RPS6KA2: variants seen among roughly 807,000 people sequenced by gnomAD.
RPS6KA2 encodes the protein ribosomal protein S6 kinase alpha-2.
In RPS6KA2, 42 loss-of-function variants were observed where a neutral mutation model predicts 91.8. The observed-to-expected ratio is 0.46, with a 90% CI of 0.36 to 0.59. The LOEUF is 0.59. Among genes scored for constraint, RPS6KA2 ranks in the 20% least tolerant of loss-of-function variants. The probability of loss-of-function intolerance (pLI) is 0.00; values close to 1 mark genes in which losing one functional copy is unlikely to be tolerated. For missense variants in RPS6KA2, 798 were observed against 978.5 expected (o/e 0.82, Z 2.46); for synonymous variants, 414 against 393.6 (o/e 1.05, Z -0.61).
chr6:166,468,630 A>G (rs1293180222), intron 11 of RPS6KA2, among the ~76,000 whole-genome samples: 2 of 151,988 alleles, frequency 1.3e-5, no homozygotes, highest in Non-Finnish European at 2.9e-5. Context: ...TTGGGAGGCC[A>G]AGGTGGGTGG....
intron 2 of RPS6KA2, among the ~76,000 whole-genome samples, chr6:166,758,318 G>A (rs1485503521): frequency 2.0e-5 from 3 of 152,204 alleles, no homozygotes; most frequent in East Asian, 1.9e-4. Flanking sequence ...ATGCATGCAC[G>A]TTCTCTCTAC....
intron 1 of RPS6KA2, among the ~76,000 whole-genome samples, chr6:166,564,346 G>T (rs1296818577): frequency 6.6e-6 from 1 of 152,138 alleles, no homozygotes; most frequent in Non-Finnish European, 1.5e-5. Context: ...GTGTCAGTCG[G>T]ACACTGGAGG....
At chr6:166,438,593 G>T (rs1415336037) in intron 14 of RPS6KA2, among the ~76,000 whole-genome samples, 1 of 152,216 alleles carries the variant, frequency 6.6e-6, no homozygotes, top group Non-Finnish European at 1.5e-5. Flanking sequence ...CTTCTTTCTA[G>T]GAAAACCCAG....
chr6:166,463,331 A>AG (rs1326498677), intron 11 of RPS6KA2: 2 of 152,156 alleles, frequency 1.3e-5, no homozygotes, highest in Non-Finnish European at 2.9e-5. Context: ...TGGGATTCTG[A>AG]GCTTAACGAG....
chr6:166,455,497 A>G (rs1338047095), intron 12 of RPS6KA2, among the ~76,000 whole-genome samples: 2 of 152,166 alleles, frequency 1.3e-5, no homozygotes, highest in Non-Finnish European at 2.9e-5. Flanking sequence ...AGGGGCCTTC[A>G]CAGTCACCCC....
chr6:166,831,698 A>G (rs973538163), intron 2 of RPS6KA2, among the ~76,000 whole-genome samples: 4 of 151,830 alleles, frequency 2.6e-5, no homozygotes, highest in Non-Finnish European at 5.9e-5. Context: ...AATAAAAACT[A>G]TAACAGGAAA....
At chr6:166,503,194 C>A (rs1312574780) in intron 6 of RPS6KA2, among the ~76,000 whole-genome samples, 1 of 152,186 alleles carries the variant, frequency 6.6e-6, no homozygotes, top group Non-Finnish European at 1.5e-5. Context: ...ATTTCAGATT[C>A]GGATGAGGGA....
rs1554279395 is a variant in RPS6KA2, at chr6:166,480,514, T to TATATATAA, written c.907+8318_907+8319insTTATATAT. Among the ~76,000 whole-genome samples the TATATATAA allele has an allele frequency of 3.8e-3, 421 of 110,502 alleles. 10 individuals are homozygous for TATATATAA. The highest frequency in any genetic ancestry group is 0.011 in the African/African-American group (284 of 25,604). 72.5% of individuals were successfully genotyped at this position (110,502 alleles called of 152,430 possible). On this transcript the variant is annotated intron_variant, in intron 10 of 20. Coordinates refer to ENST00000265678, the MANE Select transcript of RPS6KA2 (RefSeq NM_021135.6). ...ATATATATATATATATATATATATA[T>TATATATAA]AATATATTTTTTTTTTTTGAGAGAG...
At chr6:166,466,470 C>T (rs1356287019) in intron 11 of RPS6KA2, among the ~76,000 whole-genome samples, 3 of 152,190 alleles carry the variant, frequency 2.0e-5, no homozygotes. Context: ...CTGTGTTGCA[C>T]TGTGTCACCT....
chr6:166,699,461 T>C (rs1417120588), intron 2 of RPS6KA2, among the ~76,000 whole-genome samples: 6 of 152,232 alleles, frequency 3.9e-5, no homozygotes, highest in Non-Finnish European at 8.8e-5. Flanking sequence ...ATTGATATGA[T>C]CTTCAGAAAA....
chr6:166,602,330 G>A (rs980878503), intron 1 of RPS6KA2, among the ~76,000 whole-genome samples: 4 of 152,208 alleles, frequency 2.6e-5, no homozygotes, highest in African/African-American at 4.8e-5. Flanking sequence ...TGTGCTCCAT[G>A]ACCCAGCAAT....
At chr6:166,429,687 G>T (rs984326146) in intron 16 of RPS6KA2, among the ~76,000 whole-genome samples, 1 of 152,090 alleles carries the variant, frequency 6.6e-6, no homozygotes, top group Non-Finnish European at 1.5e-5. Flanking sequence ...TTGACCTCAG[G>T]TGATCCACCT....
At chr6:166,541,550 A>G (rs979143221) in intron 1 of RPS6KA2, among the ~76,000 whole-genome samples, 3 of 152,170 alleles carry the variant, frequency 2.0e-5, no homozygotes, top group Non-Finnish European at 4.4e-5. Context: ...CCACCTGGCC[A>G]TGGACGCTGG....
chr6:166,581,284 G>A (rs561682942), intron 1 of RPS6KA2, among the ~76,000 whole-genome samples: 5 of 152,272 alleles, frequency 3.3e-5, no homozygotes, highest in Admixed American at 3.3e-4. Flanking sequence ...GACAGCATCA[G>A]CCTTTCTCAT....
At chr6:166,846,858 A>C (rs1780619243) in intron 2 of RPS6KA2, among the ~76,000 whole-genome samples, 1 of 152,218 alleles carries the variant, frequency 6.6e-6, no homozygotes. Context: ...AGTCCTAGCC[A>C]GAACAATCAC....
Position 166,448,813 on chromosome 6 carries a change from A to C in RPS6KA2, c.1243T>G (p.Tyr415Asp). The change falls in exon 14 of 21, where the codon TAC becomes GAC. Residue 415 changes from tyrosine (Y) to aspartate (D), a missense_variant. Physicochemically the swap from Tyr to Asp is radical, Grantham distance 160 (BLOSUM62 -3). Coordinates refer to ENST00000265678, the MANE Select transcript of RPS6KA2 (RefSeq NM_021135.6). The surrounding 1 kb of genome is among the most constrained non-coding windows in gnomAD (Gnocchi z 4.7). Reference sequence around the variant, plus strand: ...ACCCCGATGTCCTCCTTGATCTCGTAGCCATCGGTGAAGTGGATGTTGTTC... The same window carrying C: ...ACCCCGATGTCCTCCTTGATCTCGTCGCCATCGGTGAAGTGGATGTTGTTC... ...HGNNIHFTDG[Y>D]EIKEDIGVGS... 6.2e-7 allele frequency: 1 copy of C among 1,613,890 alleles called. No individual in the cohort carries two copies. Among genetic ancestry groups the C allele is most frequent in the Non-Finnish European group, 8.5e-7 (1 of 1,179,950 alleles).
At chr6:166,722,954 G>C (rs1211118029) in intron 2 of RPS6KA2, among the ~76,000 whole-genome samples, 2 of 152,188 alleles carry the variant, frequency 1.3e-5, no homozygotes, top group Non-Finnish European at 2.9e-5. Context: ...CGCCTCCAAG[G>C]TCTGTCTGTG....
At chr6:166,452,428 A>AACG (rs1227755775) in intron 12 of RPS6KA2, among the ~76,000 whole-genome samples, 26 of 152,208 alleles carry the variant, frequency 1.7e-4, no homozygotes, top group Non-Finnish European at 3.4e-4. Flanking sequence ...TGCAATCTCT[A>AACG]TCAAAAAACC....
chr6:166,753,846 T>C (rs2128599980), intron 2 of RPS6KA2, among the ~76,000 whole-genome samples: 1 of 152,348 alleles, frequency 6.6e-6, no homozygotes, highest in South Asian at 2.1e-4. Flanking sequence ...TCAAGAGCTC[T>C]GGGATCCTCT....
Sources: gnomAD v4.1 joint callset for allele counts (sites outside exome capture counted in the v4.1 genomes callset) on GRCh38, gnomAD v4.1.1 for gene constraint, Gnocchi (gnomAD v3.1) non-coding constraint, MANE v1.5 for transcripts, NCBI Gene and HGNC (gene_info 2026-07-23, HGNC 2026-07-21) for gene names.